The following LPGAT1 variants were observed in gnomAD, a reference collection of about 807,000 sequenced individuals.
LPGAT1 encodes lysophosphatidylglycerol acyltransferase 1.
A neutral mutation model predicts 47.5 loss-of-function variants in LPGAT1; 11 were observed. The observed-to-expected ratio is 0.23, with a 90% CI of 0.15 to 0.38. The LOEUF is 0.38. Among genes scored for constraint, LPGAT1 ranks in the 10% least tolerant of loss-of-function variants. The pLI is 1.00. For missense variants in LPGAT1, 293 were observed against 439.0 expected (o/e 0.67, Z 2.97); for synonymous variants, 138 against 144.2 (o/e 0.96, Z 0.31).
intron 2 of LPGAT1, among the ~76,000 whole-genome samples, chr1:211,805,918 T>C (rs1053059861): frequency 1.3e-5 from 2 of 152,092 alleles, no homozygotes; most frequent in South Asian, 4.1e-4. Flanking sequence ...CAACAGTATA[T>C]ACCATGACCA....
At chr1:211,773,345 A>T (rs952148405) in intron 6 of LPGAT1, among the ~76,000 whole-genome samples, 2 of 152,172 alleles carry the variant, frequency 1.3e-5, no homozygotes, top group African/African-American at 4.8e-5. Flanking sequence ...CCCTTGCTAG[A>T]CAGCATATGT....
rs1571777747 is a variant in LPGAT1 at position 211,829,233 on chromosome 1, A to C, written c.64T>G (p.Phe22Val). ...AGGTTGTTGACGACCATGAAGGCAA[A>C]CCTCATCAGTGCTTTCACCAAGAGC... ...GWLLVKALMR[F>V]AFMVVNNLVA... The change falls in exon 2 of 8, where the codon TTT (phenylalanine) becomes GTT (valine). Residue 22 changes from phenylalanine (F) to valine (V), a missense_variant. Coordinates refer to ENST00000366997, the MANE Select transcript of LPGAT1 (RefSeq NM_014873.3). 1.2e-6 allele frequency: 2 copies of C among 1,614,190 alleles called. No individual in the cohort carries two copies. Among genetic ancestry groups the C allele is most frequent in the Non-Finnish European group, 1.7e-6 (2 of 1,180,034 alleles).
At position 211,783,430 on chromosome 1, in the gene LPGAT1, G is replaced by T; in HGVS notation, c.526C>A (p.Arg176=). 6.2e-7 allele frequency: 1 copy of T among 1,614,058 alleles called. No homozygotes were observed. The highest frequency in any genetic ancestry group is 1.1e-5 in the South Asian group (1 of 91,080). ...TCTGGAAACAAAACAATCCATTTTC[G>T]ATCTCTGCTCCTGTAATTATTTTCT... ...HLENNYRSRD[R]KWIVLFPEGG... is the part of the protein sequence containing the mutation. The change falls in exon 5 of 8, where the codon CGA becomes AGA. Residue 176 remains arginine, a synonymous_variant. Transcript: ENST00000366997.
intron 6 of LPGAT1, among the ~76,000 whole-genome samples, chr1:211,758,941 T>A (rs564172279): frequency 6.6e-6 from 1 of 152,204 alleles, no homozygotes; most frequent in Non-Finnish European, 1.5e-5. Context: ...ATTAAGAATT[T>A]TTTTATCGAT....
At chr1:211,756,862 T>C (rs1315353961) in intron 6 of LPGAT1, among the ~76,000 whole-genome samples, 1 of 150,970 alleles carries the variant, frequency 6.6e-6, no homozygotes, top group Non-Finnish European at 1.5e-5. Flanking sequence ...GCTTTGTTTT[T>C]TTTTTTTTCT....
At chr1:211,829,553 AATAT>A in intron 1 of LPGAT1, 1 of 1,372,924 alleles carries the variant, frequency 7.3e-7, no homozygotes, top group Non-Finnish European at 9.4e-7. Context: ...AGTATGTCAC[AATAT>A]ATTTAGCAAA....
At chr1:211,800,664 G>C (rs1197072562) in intron 2 of LPGAT1, among the ~76,000 whole-genome samples, 2 of 152,138 alleles carry the variant, frequency 1.3e-5, no homozygotes, top group Non-Finnish European at 2.9e-5. Flanking sequence ...TAGCTTGCCT[G>C]GCCAATAGTC....
chr1:211,757,844 T>C (rs1167609478), intron 6 of LPGAT1, among the ~76,000 whole-genome samples: 3 of 152,224 alleles, frequency 2.0e-5, no homozygotes, highest in Non-Finnish European at 4.4e-5. Context: ...TTAGAAAAGA[T>C]GTCTCAATAA....
chr1:211,778,387 T>TAATCC (rs1658503904), intron 6 of LPGAT1, among the ~76,000 whole-genome samples: 1 of 141,444 alleles, frequency 7.1e-6, no homozygotes, highest in Non-Finnish European at 1.6e-5. Flanking sequence ...AAGGCATGAA[T>TAATCC]AATCCACCCA....
intron 5 of LPGAT1, among the ~76,000 whole-genome samples, chr1:211,780,308 C>A (rs946091420): frequency 1.3e-5 from 2 of 152,180 alleles, no homozygotes; most frequent in African/African-American, 4.8e-5. Flanking sequence ...CTGGTGACTA[C>A]TGTTGTAGAG....
chr1:211,830,173 C>T lies in LPGAT1; in HGVS notation c.-28+400G>A. On this transcript the variant is annotated intron_variant, in intron 1 of 7. Transcript: ENST00000366997. The surrounding 1 kb of genome is among the most constrained non-coding windows in gnomAD (Gnocchi z 5.9). ...CGTGGCGGCGGGCGCGGCCCGCGCGCCGGGCTCACCTCGGCGGGCGCGGAC... is the reference window on the plus strand; with the variant it reads ...CGTGGCGGCGGGCGCGGCCCGCGCGTCGGGCTCACCTCGGCGGGCGCGGAC... 1 of 982,888 alleles carries T rather than the reference C, an allele frequency of 1.0e-6. No individual in the cohort carries two copies. The highest frequency in any genetic ancestry group is 1.2e-6 in the Non-Finnish European group (1 of 829,082). 60.9% of individuals were successfully genotyped at this position (982,888 alleles called of 1,614,324 possible). A position where few individuals can be genotyped will look rare whatever the true frequency, so the allele number is the denominator to read the frequency against.
intron 6 of LPGAT1, among the ~76,000 whole-genome samples, chr1:211,762,981 T>C (rs1292957950): frequency 2.0e-5 from 3 of 152,170 alleles, no homozygotes; most frequent in Non-Finnish European, 4.4e-5. Context: ...TGCTTTCAAA[T>C]AGCTAATCAT....
intron 6 of LPGAT1, among the ~76,000 whole-genome samples, chr1:211,762,404 A>G (rs1657736143): frequency 6.6e-6 from 1 of 152,202 alleles, no homozygotes. Context: ...AATAGCTGGG[A>G]TATTCTCTTC....
chr1:211,757,235 C>A (rs1657500286), intron 6 of LPGAT1, among the ~76,000 whole-genome samples: 1 of 149,314 alleles, frequency 6.7e-6, no homozygotes, highest in African/African-American at 2.5e-5. Flanking sequence ...GCCTGGGCAA[C>A]AAGAGTAAAA....
At chr1:211,809,588 T>C (rs200864383) in intron 2 of LPGAT1, among the ~76,000 whole-genome samples, 9 of 152,130 alleles carry the variant, frequency 5.9e-5, no homozygotes, top group Non-Finnish European at 1.2e-4. Context: ...TGGGAGGTAA[T>C]TGAATCATGA....
intron 2 of LPGAT1, among the ~76,000 whole-genome samples, chr1:211,795,021 ATGG>A (rs1056044783): frequency 7.2e-5 from 11 of 152,178 alleles, no homozygotes; most frequent in African/African-American, 2.7e-4. Flanking sequence ...ATTCATAGAA[ATGG>A]TGGTTGCCAG....
chr1:211,785,385 A>G (rs1312591662), intron 4 of LPGAT1, among the ~76,000 whole-genome samples: 1 of 152,184 alleles, frequency 6.6e-6, no homozygotes, highest in Admixed American at 6.5e-5. Flanking sequence ...TTTAAACATT[A>G]ATGCTTTTTC....
chr1:211,789,869 C>CAAAAA lies in LPGAT1; in HGVS notation c.358-2147_358-2143dup, dbSNP rs10651480. The stretch of plus-strand genomic sequence containing the variant: ...CTGGCGACAAAGCAAGACTCTGTCT[C>CAAAAA]AAAAAAAAAAAAAAAGTACCAACAC... On this transcript the variant is annotated intron_variant, in intron 3 of 7. Coordinates refer to ENST00000366997, the MANE Select transcript of LPGAT1 (RefSeq NM_014873.3). 7.1e-4 allele frequency among the ~76,000 whole-genome samples: 98 copies of CAAAAA among 138,444 alleles called. 2 individuals carry two copies. Among genetic ancestry groups the CAAAAA allele is most frequent in the Admixed American group, 2.2e-3 (31 of 13,926 alleles). 90.8% of individuals were successfully genotyped at this position (138,444 alleles called of 152,430 possible).
intron 2 of LPGAT1, among the ~76,000 whole-genome samples, chr1:211,809,647 G>A (rs879348360): frequency 5.3e-5 from 8 of 152,108 alleles, no homozygotes; most frequent in African/African-American, 1.9e-4. Context: ...TAAGTCTCAC[G>A]AGATCCAATG....
Sources: gnomAD v4.1 joint callset for allele counts (sites outside exome capture counted in the v4.1 genomes callset) on GRCh38, gnomAD v4.1.1 for gene constraint, Gnocchi (gnomAD v3.1) non-coding constraint, MANE v1.5 for transcripts, NCBI Gene and HGNC (gene_info 2026-07-23, HGNC 2026-07-21) for gene names.